The following TMEM178B variants were observed in gnomAD, a reference collection of about 807,000 sequenced individuals.
TMEM178B encodes transmembrane protein 178B.
Under a neutral mutation model 31.0 loss-of-function variants are expected in TMEM178B, and 5 were observed. That is an observed-to-expected ratio of 0.16 (90% confidence interval 0.08 to 0.34). The LOEUF is 0.34. TMEM178B is among the 10% of genes least tolerant of loss of function. The pLI, the probability that TMEM178B is intolerant of heterozygous loss-of-function variation, is 1.00. For missense variants in TMEM178B, 275 were observed against 400.3 expected (o/e 0.69, Z 2.67); for synonymous variants, 164 against 164.0 (o/e 1.00, Z 0.00).
At position 141,266,871 on chromosome 7, in the gene TMEM178B, T is replaced by A. The variant is rs935507475; in HGVS notation, c.496+54167T>A. 8.5e-5 allele frequency among the ~76,000 whole-genome samples: 13 copies of A among 152,194 alleles called. No individual in the cohort carries two copies. In the South Asian group the frequency reaches 2.7e-3, roughly 32 times the overall value. On this transcript the variant is annotated intron_variant, in intron 2 of 3. Transcript: ENST00000565468. ...CAACCAGACCTGAGTTAGGGAGCAT[T>A]TTTCAATGCTCTTACTACAGTTGAA...
intron 1 of TMEM178B, among the ~76,000 whole-genome samples, chr7:141,161,776 A>AGT (rs1172518596): frequency 4.0e-5 from 6 of 151,390 alleles, no homozygotes; most frequent in African/African-American, 1.5e-4. Flanking sequence ...TGTGTGTGAC[A>AGT]GTGTGTGTGT....
intron 2 of TMEM178B, among the ~76,000 whole-genome samples, chr7:141,314,032 T>A (rs1798958466): frequency 1.3e-5 from 2 of 152,238 alleles, no homozygotes; most frequent in Non-Finnish European, 2.9e-5. Flanking sequence ...CAAAAACTTT[T>A]GGCTGCCTGT....
At chr7:141,249,804 C>A (rs1360042412) in intron 2 of TMEM178B, among the ~76,000 whole-genome samples, 1 of 152,172 alleles carries the variant, frequency 6.6e-6, no homozygotes, top group African/African-American at 2.4e-5. Context: ...CCTGGAGATG[C>A]ATTTCAGATA....
chr7:141,219,821 C>T (rs1797226092), intron 2 of TMEM178B, among the ~76,000 whole-genome samples: 1 of 152,178 alleles, frequency 6.6e-6, no homozygotes, highest in African/African-American at 2.4e-5. Context: ...CTCAGCTTTC[C>T]TGCCTGTCAA....
chr7:141,182,718 G>A (rs1427181971), intron 1 of TMEM178B, among the ~76,000 whole-genome samples: 5 of 152,266 alleles, frequency 3.3e-5, no homozygotes, highest in South Asian at 4.1e-4. Flanking sequence ...ATCGTGGGGC[G>A]GTTTCTCCCA....
chr7:141,385,374 C>T (rs1334659303), intron 2 of TMEM178B, among the ~76,000 whole-genome samples: 10 of 152,150 alleles, frequency 6.6e-5, no homozygotes, highest in East Asian at 1.9e-4. Flanking sequence ...GGCATTCTCA[C>T]GGGTAGAATG....
At chr7:141,165,031 G>A (rs962788514) in intron 1 of TMEM178B, among the ~76,000 whole-genome samples, 1 of 152,154 alleles carries the variant, frequency 6.6e-6, no homozygotes, top group Non-Finnish European at 1.5e-5. Flanking sequence ...TACAAAAATA[G>A]TACAGAGAGT....
chr7:141,396,303 C>A (rs565449534), intron 2 of TMEM178B, among the ~76,000 whole-genome samples: 4 of 152,314 alleles, frequency 2.6e-5, no homozygotes, highest in African/African-American at 9.6e-5. Context: ...GAGTAAGAAT[C>A]TGTTTCAACA....
At chr7:141,342,477 G>T (rs1799532194) in intron 2 of TMEM178B, among the ~76,000 whole-genome samples, 1 of 152,194 alleles carries the variant, frequency 6.6e-6, no homozygotes, top group South Asian at 2.1e-4. Context: ...CTTGGGAGGG[G>T]CTGAGGAATT....
chr7:141,203,896 C>T (rs917226009), intron 1 of TMEM178B, among the ~76,000 whole-genome samples: 3 of 152,272 alleles, frequency 2.0e-5, no homozygotes, highest in South Asian at 2.1e-4. Context: ...AGAAGTGGTC[C>T]AGTAGTGTGT....
intron 2 of TMEM178B, among the ~76,000 whole-genome samples, chr7:141,317,365 T>C (rs1799023422): frequency 6.6e-6 from 1 of 152,130 alleles, no homozygotes; most frequent in African/African-American, 2.4e-5. Flanking sequence ...CCCTTTTTGG[T>C]TATAATCCTA....
chr7:141,364,961 C>T (rs1232579242), intron 2 of TMEM178B, among the ~76,000 whole-genome samples: 3 of 152,196 alleles, frequency 2.0e-5, no homozygotes, highest in East Asian at 1.9e-4. Flanking sequence ...CATATTTGAA[C>T]GTAATGCCTC....
In TMEM178B at chr7:141,074,553, G is replaced by A. The variant is rs1794565467; in HGVS notation, c.243G>A (p.Arg81=). 6.5e-7 allele frequency: 1 copy of A among 1,535,972 alleles called. No homozygotes were observed. The highest frequency in any genetic ancestry group is 8.7e-7 in the Non-Finnish European group (1 of 1,146,784). The stretch of plus-strand genomic sequence containing the variant: ...ACCGCTGGGAGGGCAAACTCCTCCG[G>A]GCCCGGAATCGCCGGCAGCTGTTCG... ...RLDRWEGKLL[R]ARNRRQLFAM... is the part of the protein sequence containing the mutation. Residue 81 remains arginine, a synonymous_variant, in exon 1 of 4, where the codon CGG becomes CGA. Transcript: ENST00000565468. This position sits in a 1 kb window ranked among gnomAD's most constrained non-coding sequence, Gnocchi z 5.1.
At chr7:141,426,381 A>G (rs1426506381) in intron 2 of TMEM178B, among the ~76,000 whole-genome samples, 4 of 152,360 alleles carry the variant, frequency 2.6e-5, no homozygotes, top group East Asian at 1.9e-4. Context: ...AGACATAAAT[A>G]ATTATAAAAA....
intron 2 of TMEM178B, among the ~76,000 whole-genome samples, chr7:141,336,846 C>A (rs62486676): frequency 0.015 from 2,087 of 141,628 alleles, 23 homozygotes; most frequent in Middle Eastern, 0.051. Context: ...ACCATCATAA[C>A]CATTACCATC....
chr7:141,296,814 T>C (rs1005833287), intron 2 of TMEM178B, among the ~76,000 whole-genome samples: 9 of 152,226 alleles, frequency 5.9e-5, no homozygotes, highest in Admixed American at 5.2e-4. Flanking sequence ...TCCTCTTTTA[T>C]TCTCTTCTTT....
chr7:141,123,938 G>A (rs1795448446), intron 1 of TMEM178B, among the ~76,000 whole-genome samples: 1 of 152,094 alleles, frequency 6.6e-6, no homozygotes. Context: ...TATTCTTTGT[G>A]GAGACAAGGT....
At chr7:141,437,584 T>A in intron 2 of TMEM178B, 24 bp from the exon 3 acceptor site, 11 of 1,535,448 alleles carry the variant, frequency 7.2e-6, no homozygotes, top group Non-Finnish European at 8.7e-6. Context: ...TGCTGCTGAC[T>A]GTTGCTCGCC....
intron 2 of TMEM178B, among the ~76,000 whole-genome samples, chr7:141,241,268 T>C (rs938336470): frequency 3.2e-4 from 49 of 152,070 alleles, no homozygotes; most frequent in African/African-American, 1.1e-3. Context: ...CATCTCATCC[T>C]AGGCACCAAC....
Sources: gnomAD v4.1 joint callset for allele counts (sites outside exome capture counted in the v4.1 genomes callset) on GRCh38, gnomAD v4.1.1 for gene constraint, Gnocchi (gnomAD v3.1) non-coding constraint, MANE v1.5 for transcripts, NCBI Gene and HGNC (gene_info 2026-07-23, HGNC 2026-07-21) for gene names.